ARFGEF3: variants seen among roughly 807,000 people sequenced by gnomAD.
ARFGEF3 encodes the protein brefeldin A-inhibited guanine nucleotide-exchange protein 3.
ARFGEF3 carries 96 observed loss-of-function variants against 221.7 expected under a neutral mutation model. The observed-to-expected ratio is 0.43, with a 90% CI of 0.37 to 0.51. ARFGEF3 has a LOEUF of 0.51. Among genes scored for constraint, ARFGEF3 ranks in the 20% least tolerant of loss-of-function variants. ARFGEF3 has a pLI of 0.00. For missense variants in ARFGEF3, 2,410 were observed against 2,789.9 expected (o/e 0.86, Z 3.07); for synonymous variants, 1,145 against 1,126.8 (o/e 1.02, Z -0.32).
At chr6:138,279,911 T>G (rs1464117814) in intron 13 of ARFGEF3, 88 bp from the exon 14 acceptor site, 1 of 1,333,302 alleles carries the variant, frequency 7.5e-7, no homozygotes, top group South Asian at 1.3e-5. Context: ...TTCAGGGCTC[T>G]GTGACGTGAA....
At chr6:138,207,478 A>G (rs928762945) in intron 3 of ARFGEF3, among the ~76,000 whole-genome samples, 2 of 152,192 alleles carry the variant, frequency 1.3e-5, no homozygotes, top group African/African-American at 4.8e-5. Context: ...TTCAACATCT[A>G]TGGTTCTATA....
At chr6:138,298,575 A>T in intron 21 of ARFGEF3, 31 bp from the exon 22 acceptor site, 1 of 1,593,402 alleles carries the variant, frequency 6.3e-7, no homozygotes, top group Admixed American at 1.7e-5. Context: ...TGCTGTCCTG[A>T]TGGTGAGCCA....
intron 2 of ARFGEF3, among the ~76,000 whole-genome samples, chr6:138,175,656 T>G (rs1364992940): frequency 6.6e-6 from 1 of 152,202 alleles, no homozygotes; most frequent in Admixed American, 6.5e-5. Flanking sequence ...ATCCACTGGT[T>G]TTTCAACCAA....
chr6:138,270,814 G>A (rs1778990616), intron 12 of ARFGEF3, among the ~76,000 whole-genome samples: 1 of 152,174 alleles, frequency 6.6e-6, no homozygotes, highest in African/African-American at 2.4e-5. Flanking sequence ...CCTATGGGTG[G>A]GAAGAGGCGG....
intron 4 of ARFGEF3, among the ~76,000 whole-genome samples, chr6:138,210,668 C>T (rs1777708599): frequency 6.6e-6 from 1 of 152,104 alleles, no homozygotes; most frequent in African/African-American, 2.4e-5. Context: ...GCAGAAAGGA[C>T]AGAAACTCTG....
intron 12 of ARFGEF3, among the ~76,000 whole-genome samples, chr6:138,266,244 AAGAAAG>A (rs1230881505): frequency 6.6e-6 from 1 of 151,840 alleles, no homozygotes; most frequent in African/African-American, 2.4e-5. Context: ...GAAGAAACAA[AAGAAAG>A]AGAAAGAGAA....
chr6:138,205,900 A>G (rs1324927494), intron 2 of ARFGEF3, among the ~76,000 whole-genome samples: 1 of 152,236 alleles, frequency 6.6e-6, no homozygotes, highest in Non-Finnish European at 1.5e-5. Flanking sequence ...TGCTGATGGA[A>G]GGATTCCATG....
At chr6:138,206,978 C>T (rs1204053526) in intron 2 of ARFGEF3, 64 bp from the exon 3 acceptor site, 2 of 1,332,478 alleles carry the variant, frequency 1.5e-6, no homozygotes, top group African/African-American at 1.4e-5. Context: ...GTACATAAGG[C>T]TTACATCACT....
At chr6:138,220,956 G>A (rs1238836790) in intron 4 of ARFGEF3, among the ~76,000 whole-genome samples, 1 of 152,204 alleles carries the variant, frequency 6.6e-6, no homozygotes, top group African/African-American at 2.4e-5. Context: ...TATGCCTCAT[G>A]TATCGGAAAC....
At position 138,319,777 on chromosome 6, in the gene ARFGEF3, A is replaced by T; in HGVS notation, c.4549A>T (p.Lys1517Ter). The change falls in exon 28 of 34, where the codon AAA becomes TAA. Residue 1517 changes from lysine to a stop codon, truncating the protein, a stop_gained. Coordinates refer to ENST00000251691, the MANE Select transcript of ARFGEF3 (RefSeq NM_020340.5). LOFTEE classifies it high-confidence loss of function. ...GTCCGTTTGGCTCCGCCGGAGCCAT[A>T]AAGACCATTCCTACTGGGATATGGC... ...VMSVWLRRSH[K>*]DHSYWDMASA... 6.2e-7 allele frequency: 1 copy of T among 1,613,918 alleles called. No individual in the cohort carries two copies. Among genetic ancestry groups the T allele is most frequent in the Non-Finnish European group, 8.5e-7 (1 of 1,179,824 alleles).
chr6:138,242,504 T>C (rs1778410095), intron 6 of ARFGEF3, among the ~76,000 whole-genome samples: 1 of 152,148 alleles, frequency 6.6e-6, no homozygotes, highest in African/African-American at 2.4e-5. Context: ...AACCTAATCC[T>C]TCTTATGGCC....
At chr6:138,273,559 A>G (rs1262054856) in intron 12 of ARFGEF3, among the ~76,000 whole-genome samples, 1 of 152,230 alleles carries the variant, frequency 6.6e-6, no homozygotes, top group African/African-American at 2.4e-5. Flanking sequence ...TGGAAAATAG[A>G]GTATCTACTA....
At chr6:138,278,707 A>G in intron 13 of ARFGEF3, 90 bp downstream of exon 13, 1 of 1,416,610 alleles carries the variant, frequency 7.1e-7, no homozygotes, top group Middle Eastern at 2.0e-4. Flanking sequence ...GTGGGATGGC[A>G]CAGCGTGTTT....
At chr6:138,168,667 A>C (rs1225397441) in intron 1 of ARFGEF3, among the ~76,000 whole-genome samples, 1 of 152,224 alleles carries the variant, frequency 6.6e-6, no homozygotes, top group East Asian at 1.9e-4. Context: ...GGACAGAGTC[A>C]GGGAAGATGT....
Position 138,280,163 on chromosome 6 carries a change from C to T in ARFGEF3, c.2460C>T (p.Thr820=), listed in dbSNP as rs147403186. The T allele has an allele frequency of 7.4e-6, 12 of 1,613,414 alleles. No individual in the cohort carries two copies. The highest frequency in any genetic ancestry group is 1.0e-5 in the Non-Finnish European group (12 of 1,179,558). Residue 820 remains threonine, a splice_region_variant and synonymous_variant, in exon 14 of 34, where the codon ACC becomes ACT. Transcript: ENST00000251691. ...DNSLPLITML[T]DIDGLESSAI... The stretch of plus-strand genomic sequence containing the variant: ...GCCTTCCCCTCATCACAATGCTGAC[C>T]GGTCAGTGGTTCGTTGCAAGGCCTT...
intron 32 of ARFGEF3, among the ~76,000 whole-genome samples, chr6:138,332,770 A>G (rs967952146): frequency 6.6e-6 from 1 of 152,190 alleles, no homozygotes; most frequent in Admixed American, 6.5e-5. Context: ...TTTTATGTAT[A>G]TTTTACCACA....
At chr6:138,292,681 C>T (rs906582061) in intron 19 of ARFGEF3, among the ~76,000 whole-genome samples, 1 of 151,936 alleles carries the variant, frequency 6.6e-6, no homozygotes. Flanking sequence ...CAGGGAGGAC[C>T]GTCAGGAAGG....
chr6:138,174,180 G>A (rs1776892727), intron 2 of ARFGEF3, among the ~76,000 whole-genome samples: 1 of 152,074 alleles, frequency 6.6e-6, no homozygotes, highest in Non-Finnish European at 1.5e-5. Context: ...GTTTCAGTTT[G>A]TGATTCACAA....
intron 14 of ARFGEF3, among the ~76,000 whole-genome samples, chr6:138,282,015 C>T (rs1040564058): frequency 4.6e-5 from 7 of 152,224 alleles, no homozygotes; most frequent in Admixed American, 3.3e-4. Context: ...AGTACAGTGG[C>T]GTGATCTCAG....
Sources: gnomAD v4.1 joint callset for allele counts (sites outside exome capture counted in the v4.1 genomes callset) on GRCh38, gnomAD v4.1.1 for gene constraint, MANE v1.5 for transcripts, NCBI Gene and HGNC (gene_info 2026-07-23, HGNC 2026-07-21) for gene names.